CD6: variants seen among roughly 807,000 people sequenced by gnomAD.
CD6 encodes T-cell differentiation antigen CD6.
CD6 carries 53 observed loss-of-function variants against 75.3 expected under a neutral mutation model. The ratio of observed to expected loss-of-function variants is 0.70; its 90% CI spans 0.56 to 0.88. CD6 has a LOEUF of 0.88. CD6 is among the 40% of genes least tolerant of loss of function. The pLI is 0.00. For synonymous variants in CD6, 359 were observed against 381.5 expected, an observed-to-expected ratio of 0.94 and a Z score of 0.69; for missense variants, 770 against 897.1, an observed-to-expected ratio of 0.86 and a Z score of 1.81.
chr11:61,010,277 C>T (rs1859080945), intron 5 of CD6, among the ~76,000 whole-genome samples: 1 of 152,188 alleles, frequency 6.6e-6, no homozygotes, highest in Admixed American at 6.5e-5. Flanking sequence ...CTAAGTAGCT[C>T]TTATTTCAGC....
At chr11:60,987,635 C>T (rs1253994094) in intron 1 of CD6, among the ~76,000 whole-genome samples, 1 of 151,994 alleles carries the variant, frequency 6.6e-6, no homozygotes, top group Non-Finnish European at 1.5e-5. Flanking sequence ...CCTACTTAAT[C>T]TCTCCTCCTA....
intron 1 of CD6, among the ~76,000 whole-genome samples, chr11:61,002,267 A>T (rs1858620613): frequency 6.6e-6 from 1 of 152,156 alleles, no homozygotes. Context: ...AAAAATCTGC[A>T]GTGGACTGGG....
chr11:60,983,115 T>G (rs1315345800), intron 1 of CD6, among the ~76,000 whole-genome samples: 19 of 151,566 alleles, frequency 1.3e-4, no homozygotes, highest in Admixed American at 9.9e-4. Flanking sequence ...TTTTTTTTTT[T>G]GACGGAGTCT....
rs1018997285 is a variant in CD6 at position 61,011,399 on chromosome 11, G to A, written c.1150+264G>A. On this transcript the variant is annotated intron_variant, in intron 6 of 12. Transcript: ENST00000313421. ...AGTCCATTCCCCCACTTTCCTGTGAGCTGCTGGAGGGCAGAAGGAAAGAGC... is the reference window on the plus strand; with the variant it reads ...AGTCCATTCCCCCACTTTCCTGTGAACTGCTGGAGGGCAGAAGGAAAGAGC... 1.4e-4 allele frequency among the ~76,000 whole-genome samples: 21 copies of A among 150,464 alleles called. No individual in the cohort carries two copies. In the South Asian group the frequency reaches 4.2e-3, roughly 30 times the overall value.
At chr11:60,997,469 A>G (rs954784404) in intron 1 of CD6, among the ~76,000 whole-genome samples, 1 of 151,644 alleles carries the variant, frequency 6.6e-6, no homozygotes, top group East Asian at 1.9e-4. Context: ...AAAAAGAAAC[A>G]GATGAAATTT....
intron 1 of CD6, among the ~76,000 whole-genome samples, chr11:60,976,068 C>T (rs940281597): frequency 9.9e-5 from 15 of 152,158 alleles, no homozygotes; most frequent in Admixed American, 5.9e-4. Context: ...AGTTTTGTTA[C>T]ACGGATATAT....
chr11:61,010,749 C>T (rs528510461), intron 5 of CD6, among the ~76,000 whole-genome samples: 23 of 152,330 alleles, frequency 1.5e-4, no homozygotes, highest in Admixed American at 3.3e-4. Flanking sequence ...TCTTCATCTC[C>T]CTAGGCTGAT....
Position 61,009,678 on chromosome 11 carries a change from A to T in CD6, c.888A>T (p.Pro296=). The change falls in exon 5 of 13, where the codon CCA becomes CCT. Residue 296 remains proline (P), a synonymous_variant. Coordinates refer to ENST00000313421, the MANE Select transcript of CD6 (RefSeq NM_006725.5). The part of the protein sequence containing the change: ...WNTVCDSEWY[P]SEAKVLCQSL... ...CAGTGTGTGACAGTGAGTGGTACCC[A>T]TCGGAGGCCAAGGTGCTCTGCCAGT... 1.2e-6 allele frequency: 2 copies of T among 1,614,070 alleles called. No homozygotes were observed. The highest frequency in any genetic ancestry group is 1.3e-5 in the African/African-American group (1 of 75,058).
intron 5 of CD6, 117 bp from the exon 6 acceptor site, chr11:61,010,953 G>T: frequency 1.1e-6 from 1 of 895,298 alleles, no homozygotes; most frequent in South Asian, 1.4e-5. Context: ...TCCCTGATGG[G>T]AGCACAACCC....
At chr11:61,017,272 G>A (rs771835583) in intron 9 of CD6, 3 of 582,540 alleles carry the variant, frequency 5.1e-6, no homozygotes, top group Non-Finnish European at 9.2e-6. Context: ...TAGAGTTTCT[G>A]TCCCCAGGCT....
Position 60,971,923 on chromosome 11 carries a change from C to G in CD6, c.49+9C>G. The G allele has an allele frequency of 6.2e-7, 1 of 1,613,648 alleles. No individual in the cohort carries two copies. Among genetic ancestry groups the G allele is most frequent in the Non-Finnish European group, 8.5e-7 (1 of 1,179,814 alleles). On this transcript the variant is annotated intron_variant, in intron 1 of 12. Transcript: ENST00000313421. ...GACGGCAGCCCTCTCAGGTAGGCCCCCTTCCCTCATCTCCTGCCACTGGTG... is the reference window on the plus strand; with the variant it reads ...GACGGCAGCCCTCTCAGGTAGGCCCGCTTCCCTCATCTCCTGCCACTGGTG...
At chr11:61,011,480 G>A (rs1451997013) in intron 6 of CD6, among the ~76,000 whole-genome samples, 1 of 152,156 alleles carries the variant, frequency 6.6e-6, no homozygotes, top group Non-Finnish European at 1.5e-5. Context: ...GCAGGGGGAG[G>A]GTGATCTTGG....
chr11:60,998,776 T>C (rs1858425682), intron 1 of CD6, among the ~76,000 whole-genome samples: 1 of 151,074 alleles, frequency 6.6e-6, no homozygotes, highest in African/African-American at 2.4e-5. Context: ...AAAAAAGCCC[T>C]GTGTATTTAT....
chr11:60,985,503 C>T (rs1256899913), intron 1 of CD6, among the ~76,000 whole-genome samples: 2 of 152,044 alleles, frequency 1.3e-5, no homozygotes, highest in African/African-American at 4.8e-5. Context: ...CTTTTATAAA[C>T]TTAAGTTTAT....
intron 1 of CD6, among the ~76,000 whole-genome samples, chr11:60,984,165 T>C (rs971638271): frequency 2.0e-5 from 3 of 152,200 alleles, no homozygotes; most frequent in Non-Finnish European, 4.4e-5. Context: ...TTTGAGAATA[T>C]GTAAATATCT....
At chr11:60,983,608 T>C in intron 1 of CD6, among the ~76,000 whole-genome samples, 1 of 152,012 alleles carries the variant, frequency 6.6e-6, no homozygotes. Flanking sequence ...TTCTCCTAAA[T>C]ACCCCAACGT....
rs1857843338 is a variant in CD6, at chr11:60,986,973, C to G, written c.49+15059C>G. 2.0e-5 allele frequency among the ~76,000 whole-genome samples: 3 copies of G among 152,270 alleles called. No homozygotes were observed. In the South Asian group the frequency reaches 6.2e-4, roughly 32 times the overall value. On this transcript the variant is annotated intron_variant, in intron 1 of 12. Coordinates refer to ENST00000313421, the MANE Select transcript of CD6 (RefSeq NM_006725.5). ...TGAAACCCCGTCTCTACTAAAAATA[C>G]AAAAACTAGTTGGGTGAGGTGGCAC...
chr11:60,990,493 G>A (rs1162182036), intron 1 of CD6, among the ~76,000 whole-genome samples: 1 of 152,048 alleles, frequency 6.6e-6, no homozygotes, highest in East Asian at 1.9e-4. Flanking sequence ...CAAAGTGCTG[G>A]GATTACAGGC....
At chr11:60,982,908 A>C in intron 1 of CD6, 1 of 373,420 alleles carries the variant, frequency 2.7e-6, no homozygotes. Context: ...GCACAGGCTT[A>C]ACTAACTCCC....
Sources: gnomAD v4.1 joint callset for allele counts (sites outside exome capture counted in the v4.1 genomes callset) on GRCh38, gnomAD v4.1.1 for gene constraint, MANE v1.5 for transcripts, NCBI Gene and HGNC (gene_info 2026-07-23, HGNC 2026-07-21) for gene names.